ASIC2: variants seen among roughly 807,000 people sequenced by gnomAD.
ASIC2 encodes the protein acid sensing ion channel subunit 2.
ASIC2 carries 25 observed loss-of-function variants against 57.3 expected under a neutral mutation model. The observed-to-expected ratio is 0.44, with a 90% CI of 0.32 to 0.61. The LOEUF (loss-of-function observed/expected upper bound fraction) is 0.61. Among genes scored for constraint, ASIC2 ranks in the 20% least tolerant of loss-of-function variants. ASIC2 has a pLI of 0.06. For synonymous variants in ASIC2, 319 were observed against 307.5 expected (o/e 1.04, Z -0.39); for missense variants, 641 against 738.1 (o/e 0.87, Z 1.52).
intron 1 of ASIC2, among the ~76,000 whole-genome samples, chr17:33,994,357 G>C (rs1172768864): frequency 6.6e-6 from 1 of 152,186 alleles, no homozygotes; most frequent in Non-Finnish European, 1.5e-5. Context: ...GATGCATGGT[G>C]CCATGAGGAA....
chr17:33,669,841 T>C (rs150748966), intron 1 of ASIC2, among the ~76,000 whole-genome samples: 1 of 152,162 alleles, frequency 6.6e-6, no homozygotes, highest in African/African-American at 2.4e-5. Context: ...CCTGCCTGTT[T>C]AGACAAAGCA....
intron 1 of ASIC2, among the ~76,000 whole-genome samples, chr17:33,345,522 A>T (rs886357983): frequency 6.6e-6 from 1 of 152,200 alleles, no homozygotes; most frequent in Non-Finnish European, 1.5e-5. Context: ...GATGTGCTTG[A>T]GTTATTGGGT....
chr17:33,892,831 G>C (rs1244616366), intron 1 of ASIC2, among the ~76,000 whole-genome samples: 1 of 152,166 alleles, frequency 6.6e-6, no homozygotes, highest in Admixed American at 6.5e-5. Context: ...GCCCCGAGCT[G>C]CCTGTGCTCC....
chr17:33,330,044 C>A (rs1275588164), intron 1 of ASIC2, among the ~76,000 whole-genome samples: 1 of 152,142 alleles, frequency 6.6e-6, no homozygotes, highest in East Asian at 1.9e-4. Context: ...ATCTGGCTTA[C>A]TTTGTGGTCT....
intron 1 of ASIC2, among the ~76,000 whole-genome samples, chr17:33,769,030 A>G (rs183335434): frequency 2.6e-5 from 4 of 152,290 alleles, no homozygotes; most frequent in African/African-American, 7.2e-5. Context: ...CCATCCTTCA[A>G]TCATCAAGCA....
At chr17:33,925,637 G>T (rs1357015178) in intron 1 of ASIC2, among the ~76,000 whole-genome samples, 2 of 152,208 alleles carry the variant, frequency 1.3e-5, no homozygotes, top group Non-Finnish European at 2.9e-5. Context: ...CTGGGATTGG[G>T]CACCACGTTC....
chr17:33,954,144 T>C (rs984095733), intron 1 of ASIC2, among the ~76,000 whole-genome samples: 3 of 152,158 alleles, frequency 2.0e-5, no homozygotes, highest in African/African-American at 7.2e-5. Flanking sequence ...TGAGACAGGT[T>C]GGAACCCCAG....
intron 1 of ASIC2, among the ~76,000 whole-genome samples, chr17:33,168,074 GCTTGTCCTA>G (rs1267584487): frequency 5.3e-5 from 8 of 152,204 alleles, no homozygotes; most frequent in African/African-American, 1.9e-4. Flanking sequence ...AAATGATGAA[GCTTGTCCTA>G]CTTTCTTTCT....
At chr17:33,496,603 GTTTTTTTTTT>G (rs61267122) in intron 1 of ASIC2, among the ~76,000 whole-genome samples, 34 of 70,994 alleles carry the variant, frequency 4.8e-4, no homozygotes, top group African/African-American at 7.6e-4. Context: ...GTTATTGTAG[GTTTTTTTTTT>G]TTTTTTTTTT....
chr17:33,829,212 T>C (rs966424880), intron 1 of ASIC2, among the ~76,000 whole-genome samples: 5 of 152,190 alleles, frequency 3.3e-5, no homozygotes, highest in Non-Finnish European at 7.3e-5. Context: ...GATCCACCCT[T>C]AGTCGTGGAA....
chr17:33,077,120 C>T (rs921027105), intron 3 of ASIC2, among the ~76,000 whole-genome samples: 2 of 151,974 alleles, frequency 1.3e-5, no homozygotes, highest in Non-Finnish European at 2.9e-5. Context: ...AGATGCAGCT[C>T]CCCTTCTGCT....
At chr17:33,040,925 G>A (rs1262108222) in intron 3 of ASIC2, among the ~76,000 whole-genome samples, 5 of 152,170 alleles carry the variant, frequency 3.3e-5, no homozygotes, top group African/African-American at 4.8e-5. Context: ...CCAACCAGCT[G>A]AGTGGTCCAA....
chr17:34,133,664 C>T (rs770417454), intron 1 of ASIC2, among the ~76,000 whole-genome samples: 1 of 152,242 alleles, frequency 6.6e-6, no homozygotes, highest in Non-Finnish European at 1.5e-5. Flanking sequence ...AAACCCACAG[C>T]TTCCCTGGGC....
intron 1 of ASIC2, among the ~76,000 whole-genome samples, chr17:33,578,525 A>G (rs993530027): frequency 6.6e-6 from 1 of 152,242 alleles, no homozygotes; most frequent in South Asian, 2.1e-4. Flanking sequence ...ATAAAGGGAC[A>G]TAGACAAAAT....
intron 2 of ASIC2, among the ~76,000 whole-genome samples, chr17:33,094,163 A>T (rs2141970408): frequency 6.6e-6 from 1 of 152,030 alleles, no homozygotes; most frequent in Middle Eastern, 3.4e-3. Context: ...GTCTTGATGG[A>T]CTCTGTTGCC....
At chr17:33,828,683 G>A (rs572017236) in intron 1 of ASIC2, among the ~76,000 whole-genome samples, 15 of 152,296 alleles carry the variant, frequency 9.8e-5, no homozygotes, top group African/African-American at 3.1e-4. Context: ...AGGGTGAAAC[G>A]TTACAGTGTT....
intron 1 of ASIC2, among the ~76,000 whole-genome samples, chr17:34,049,175 C>T (rs1392774153): frequency 6.6e-6 from 1 of 152,030 alleles, no homozygotes; most frequent in Non-Finnish European, 1.5e-5. Context: ...GCCTGTGGTC[C>T]CAGGTGCTGA....
intron 3 of ASIC2, among the ~76,000 whole-genome samples, chr17:33,068,636 T>C (rs1367282728): frequency 6.6e-6 from 1 of 152,242 alleles, no homozygotes; most frequent in Admixed American, 6.5e-5. Flanking sequence ...GTAAATATAT[T>C]GGCATACAAT....
At position 33,436,853 on chromosome 17, in the gene ASIC2, C is replaced by CTTTTTTT. The variant is rs71144877; in HGVS notation, c.556-324793_556-324787dup. On this transcript the variant is annotated intron_variant, in intron 1 of 9. Coordinates refer to the ASIC2 transcript ENST00000359872. ...AATGCCTTAAAACACATTCCAACTTCTTTTTTTTTTTTTTTTTTTTTTTTT... is the reference window on the plus strand; with the variant it reads ...AATGCCTTAAAACACATTCCAACTTCTTTTTTTTTTTTTTTTTTTTTTTTTTTTTTTT... Among the ~76,000 whole-genome samples the CTTTTTTT allele has an allele frequency of 5.8e-3, 388 of 66,534 alleles. 17 individuals carry two copies. Among genetic ancestry groups the CTTTTTTT allele is most frequent in the African/African-American group, 0.014 (287 of 19,974 alleles). 43.6% of individuals were successfully genotyped at this position (66,534 alleles called of 152,430 possible). A position where few individuals can be genotyped will look rare whatever the true frequency, so the allele number is the denominator to read the frequency against.
Sources: gnomAD v4.1 joint callset for allele counts (sites outside exome capture counted in the v4.1 genomes callset) on GRCh38, gnomAD v4.1.1 for gene constraint, MANE v1.5 for transcripts, NCBI Gene and HGNC (gene_info 2026-07-23, HGNC 2026-07-21) for gene names.